The following FUT8 variants were observed in gnomAD, a reference collection of about 807,000 sequenced individuals.
FUT8 encodes fucosyltransferase 8, also known as alpha-(1,6)-fucosyltransferase.
Under a neutral mutation model 71.3 loss-of-function variants are expected in FUT8, and 29 were observed. The observed-to-expected ratio is 0.41, with a 90% CI of 0.30 to 0.55. The LOEUF is 0.55. Among genes scored for constraint, FUT8 ranks in the 20% least tolerant of loss-of-function variants. FUT8 has a pLI of 0.34. For synonymous variants in FUT8, 254 were observed against 239.3 expected (o/e 1.06, Z -0.57); for missense variants, 544 against 702.1 (o/e 0.77, Z 2.55).
intron 2 of FUT8, among the ~76,000 whole-genome samples, chr14:65,518,021 T>C (rs1296949538): frequency 6.6e-6 from 1 of 152,210 alleles, no homozygotes; most frequent in East Asian, 1.9e-4. Context: ...TTCAGTGGTC[T>C]CTTTTTCTTC....
At chr14:65,670,517 G>T (rs1892424203) in intron 7 of FUT8, among the ~76,000 whole-genome samples, 1 of 151,996 alleles carries the variant, frequency 6.6e-6, no homozygotes, top group African/African-American at 2.4e-5. Context: ...TAAGTGATCA[G>T]GATAAATACT....
At chr14:65,480,153 C>T (rs2066307595) in intron 2 of FUT8, among the ~76,000 whole-genome samples, 1 of 152,030 alleles carries the variant, frequency 6.6e-6, no homozygotes, top group African/African-American at 2.4e-5. Context: ...CCTAGTGCCT[C>T]ATAGTATCTG....
At chr14:65,611,212 C>T (rs1476393924) in intron 3 of FUT8, among the ~76,000 whole-genome samples, 11 of 7,276 alleles carry the variant, frequency 1.5e-3, no homozygotes, top group Admixed American at 4.6e-3. Context: ...CGCGCGCGCG[C>T]GCGCGCGCGC....
chr14:65,632,568 A>AT (rs766313176), intron 6 of FUT8, among the ~76,000 whole-genome samples: 12 of 148,384 alleles, frequency 8.1e-5, no homozygotes, highest in Admixed American at 1.3e-4. Flanking sequence ...TTTTGGTGGG[A>AT]TTTTTTTTTT....
At chr14:65,510,545 A>G (rs1264564692) in intron 2 of FUT8, among the ~76,000 whole-genome samples, 2 of 151,942 alleles carry the variant, frequency 1.3e-5, no homozygotes, top group African/African-American at 4.8e-5. Flanking sequence ...CAACAGTGTA[A>G]CCATTGGGTC....
In FUT8 at chr14:65,622,772, T is replaced by C. The variant is rs568742154; in HGVS notation, c.482+6399T>C. 1.2e-4 allele frequency among the ~76,000 whole-genome samples: 19 copies of C among 152,322 alleles called. No homozygotes were observed. In the South Asian group the frequency reaches 3.9e-3, roughly 32 times the overall value. On this transcript the variant is annotated intron_variant, in intron 5 of 10. Transcript: ENST00000673929. ...CTTTGGACAAAACTCAAGTAATTTTTCTTGCCCATGATGCAGATTTGCCCA... is the reference window on the plus strand; with the variant it reads ...CTTTGGACAAAACTCAAGTAATTTTCCTTGCCCATGATGCAGATTTGCCCA...
intron 2 of FUT8, among the ~76,000 whole-genome samples, chr14:65,516,774 T>G (rs567742661): frequency 3.4e-4 from 52 of 152,172 alleles, no homozygotes; most frequent in Non-Finnish European, 6.6e-4. Flanking sequence ...TTAATCATTT[T>G]TAAGTATACA....
At chr14:65,498,894 G>T (rs1489349558) in intron 2 of FUT8, among the ~76,000 whole-genome samples, 3 of 152,162 alleles carry the variant, frequency 2.0e-5, no homozygotes, top group Admixed American at 1.3e-4. Context: ...TTTATGTCAT[G>T]CCTCTTTCAT....
At chr14:65,513,448 A>G (rs991558251) in intron 2 of FUT8, among the ~76,000 whole-genome samples, 4 of 152,212 alleles carry the variant, frequency 2.6e-5, no homozygotes, top group Admixed American at 1.3e-4. Flanking sequence ...TTGGAAAGTC[A>G]TTCTTCAAGT....
chr14:65,656,001 C>A lies in FUT8; in HGVS notation c.598-13242C>A, dbSNP rs903580937. Among the ~76,000 whole-genome samples, 36 of 92,010 alleles carry A rather than the reference C, an allele frequency of 3.9e-4. 1 individual carries two copies. Among genetic ancestry groups the A allele is most frequent in the Non-Finnish European group, 1.8e-4 (7 of 38,946 alleles). The allele number at this position is 92,010 out of a possible 152,430, so 60.4% of individuals were successfully genotyped here. ...ATATACAACAGACCCATAACTAGTA[C>A]CATAATGGGGGAGAAACTGAAAGAC... On this transcript the variant is annotated intron_variant, in intron 6 of 10. Coordinates refer to ENST00000673929, the MANE Select transcript of FUT8 (RefSeq NM_001371533.1).
At chr14:65,527,189 T>C (rs1883542447) in intron 2 of FUT8, among the ~76,000 whole-genome samples, 1 of 152,216 alleles carries the variant, frequency 6.6e-6, no homozygotes, top group Non-Finnish European at 1.5e-5. Context: ...CCCTGTCACT[T>C]TCAGGTATGC....
chr14:65,590,732 C>T (rs571929619), intron 3 of FUT8, among the ~76,000 whole-genome samples: 22 of 152,214 alleles, frequency 1.4e-4, no homozygotes, highest in South Asian at 4.1e-4. Flanking sequence ...CCTGCATAAA[C>T]GATTGTTTTT....
In FUT8 at chr14:65,596,386, T is replaced by G. The variant is rs1285554014; in HGVS notation, c.204-19592T>G. Among the ~76,000 whole-genome samples the G allele has an allele frequency of 3.3e-5, 5 of 152,240 alleles. No individual in the cohort carries two copies. The South Asian group carries it at 8.3e-4, about 25-fold the overall frequency. On this transcript the variant is annotated intron_variant, in intron 3 of 10. Transcript: ENST00000673929. ...TTGCTTTGACAGCAGCAATATTCAC[T>G]TAGAACTCTTGATATTATCATATAA...
chr14:65,424,539 C>CTTTTTTTTTTTTTTTTTTTTTTT (rs796843891), intron 1 of FUT8, among the ~76,000 whole-genome samples: 12 of 125,404 alleles, frequency 9.6e-5, no homozygotes, highest in Middle Eastern at 8.8e-3. Flanking sequence ...CTTTTCTTTT[C>CTTTTTTTTTTTTTTTTTTTTTTT]TTTTTTTTTT....
At chr14:65,436,334 A>G (rs2065558610) in intron 1 of FUT8, among the ~76,000 whole-genome samples, 1 of 152,172 alleles carries the variant, frequency 6.6e-6, no homozygotes, top group African/African-American at 2.4e-5. Context: ...ATTGGCTTTA[A>G]AAAACAATGA....
intron 2 of FUT8, among the ~76,000 whole-genome samples, chr14:65,470,129 G>A (rs1773245862): frequency 6.6e-6 from 1 of 152,234 alleles, no homozygotes; most frequent in Admixed American, 6.5e-5. Context: ...AGGCGGCAGG[G>A]CCTGAGCATG....
At chr14:65,631,935 G>A (rs1423897318) in intron 6 of FUT8, among the ~76,000 whole-genome samples, 1 of 150,960 alleles carries the variant, frequency 6.6e-6, no homozygotes, top group Non-Finnish European at 1.5e-5. Flanking sequence ...CCACATATCA[G>A]TGAGAACATA....
At chr14:65,685,343 C>T (rs1893233228) in intron 7 of FUT8, among the ~76,000 whole-genome samples, 1 of 152,146 alleles carries the variant, frequency 6.6e-6, no homozygotes, top group Non-Finnish European at 1.5e-5. Context: ...ATGCAGTCAA[C>T]TCTCTAAATT....
chr14:65,423,283 A>AT (rs2065329427), intron 1 of FUT8, among the ~76,000 whole-genome samples: 2 of 129,016 alleles, frequency 1.6e-5, no homozygotes, highest in South Asian at 4.8e-4. Flanking sequence ...TTTTTTTGAG[A>AT]TGGAGTCTGG....
Sources: gnomAD v4.1 joint callset for allele counts (sites outside exome capture counted in the v4.1 genomes callset) on GRCh38, gnomAD v4.1.1 for gene constraint, MANE v1.5 for transcripts, NCBI Gene and HGNC (gene_info 2026-07-23, HGNC 2026-07-21) for gene names.